EFEMP1: variants seen among roughly 807,000 people sequenced by gnomAD.
EFEMP1 encodes EGF-containing fibulin-like extracellular matrix protein 1.
Under a neutral mutation model 65.7 loss-of-function variants are expected in EFEMP1, and 18 were observed. The ratio of observed to expected loss-of-function variants is 0.27; its 90% CI spans 0.19 to 0.41. The LOEUF (loss-of-function observed/expected upper bound fraction) is 0.41. EFEMP1 is among the 10% of genes least tolerant of loss of function. The probability of loss-of-function intolerance (pLI) is 1.00; values close to 1 mark genes in which losing one functional copy is unlikely to be tolerated. For missense variants in EFEMP1, 469 were observed against 624.8 expected (o/e 0.75, Z 2.66); for synonymous variants, 237 against 219.7 (o/e 1.08, Z -0.70).
intron 5 of EFEMP1, among the ~76,000 whole-genome samples, chr2:55,902,325 C>T (rs1670068138): frequency 8.2e-6 from 1 of 121,910 alleles, no homozygotes; most frequent in South Asian, 2.3e-4. Context: ...GTGAAATGAA[C>T]TAATTCAGAC....
At chr2:55,908,593 C>T (rs773136229) in intron 5 of EFEMP1, among the ~76,000 whole-genome samples, 7 of 151,906 alleles carry the variant, frequency 4.6e-5, no homozygotes, top group Non-Finnish European at 8.8e-5. Flanking sequence ...TAAATATTCA[C>T]ACTGCAAAAA....
At chr2:55,914,914 A>G (rs1670619369) in intron 5 of EFEMP1, among the ~76,000 whole-genome samples, 1 of 152,188 alleles carries the variant, frequency 6.6e-6, no homozygotes, top group African/African-American at 2.4e-5. Context: ...TGGTTATAAA[A>G]TATTATTTTG....
In EFEMP1 at chr2:55,886,239, G is replaced by C. The variant is rs1462224183; in HGVS notation, c.518-4505C>G. 6.6e-6 allele frequency among the ~76,000 whole-genome samples: 1 copy of C among 152,136 alleles called. No homozygotes were observed. The highest frequency in any genetic ancestry group is 1.5e-5 in the Non-Finnish European group (1 of 68,022). On this transcript the variant is annotated intron_variant, in intron 5 of 11. Coordinates refer to ENST00000355426, the MANE Select transcript of EFEMP1 (RefSeq NM_001039348.3). This position sits in a 1 kb window ranked among gnomAD's most constrained non-coding sequence, Gnocchi z 4.0. ...TCTTTGTTTCTCCATCTCTGAAATA[G>C]AGAGTCTATCCTCAACAATAACACA...
chr2:55,881,207 G>T (rs1033733651), intron 6 of EFEMP1, among the ~76,000 whole-genome samples: 1 of 152,208 alleles, frequency 6.6e-6, no homozygotes, highest in Non-Finnish European at 1.5e-5. Context: ...GCGAGCTGGG[G>T]TTGGTGCTTG....
Position 55,877,653 on chromosome 2 carries a change from T to G in EFEMP1, c.760+93A>C. 6.4e-7 allele frequency: 1 copy of G among 1,573,114 alleles called. No homozygotes were observed. Among genetic ancestry groups the G allele is most frequent in the Non-Finnish European group, 8.7e-7 (1 of 1,146,678 alleles). On this transcript the variant is annotated intron_variant, in intron 7 of 11. Transcript: ENST00000355426. The surrounding 1 kb of genome is among the most constrained non-coding windows in gnomAD (Gnocchi z 4.5). ...CTGAAGGGAAGTCGATGGAAACTAT[T>G]TACTCAAGAACATAGAAAACTGGAA...
rs1668760130 is a variant in EFEMP1 at position 55,870,465 on chromosome 2, G to A, written c.1320+255C>T. 6.6e-6 allele frequency among the ~76,000 whole-genome samples: 1 copy of A among 152,060 alleles called. No homozygotes were observed. The highest frequency in any genetic ancestry group is 6.6e-5 in the Admixed American group (1 of 15,252). Reference sequence around the variant, plus strand: ...TTAATATTTGAGTGATTTCAGGGATGCTACTTAATCTTTCTGCATCTCACT... The same window carrying A: ...TTAATATTTGAGTGATTTCAGGGATACTACTTAATCTTTCTGCATCTCACT... On this transcript the variant is annotated intron_variant, in intron 11 of 11. Transcript: ENST00000355426. This position sits in a 1 kb window ranked among gnomAD's most constrained non-coding sequence, Gnocchi z 5.8.
At chr2:55,890,886 G>C (rs908956571) in intron 5 of EFEMP1, among the ~76,000 whole-genome samples, 1 of 151,986 alleles carries the variant, frequency 6.6e-6, no homozygotes, top group African/African-American at 2.4e-5. Context: ...ACATAGATGA[G>C]ATCTATATCT....
intron 5 of EFEMP1, among the ~76,000 whole-genome samples, chr2:55,882,000 A>G (rs1669260248): frequency 6.6e-6 from 1 of 152,116 alleles, no homozygotes; most frequent in Admixed American, 6.5e-5. Context: ...AACATTTCAG[A>G]TACAGCTAAA....
chr2:55,894,556 A>T (rs1266715043), intron 5 of EFEMP1, among the ~76,000 whole-genome samples: 1 of 152,240 alleles, frequency 6.6e-6, no homozygotes, highest in Non-Finnish European at 1.5e-5. Flanking sequence ...ACTTGTATTT[A>T]ATGAAACATT....
chr2:55,897,416 G>A (rs753087937), intron 5 of EFEMP1, among the ~76,000 whole-genome samples: 22 of 152,082 alleles, frequency 1.4e-4, no homozygotes, highest in Non-Finnish European at 2.1e-4. Context: ...TCCAGATAAT[G>A]AACACATCAT....
chr2:55,918,978 G>C (rs932816449), intron 3 of EFEMP1, among the ~76,000 whole-genome samples: 5 of 152,208 alleles, frequency 3.3e-5, no homozygotes, highest in Admixed American at 1.3e-4. Context: ...CAAGATGGCA[G>C]GTGCCTTCTA....
At chr2:55,890,330 A>G (rs1669585894) in intron 5 of EFEMP1, among the ~76,000 whole-genome samples, 1 of 152,030 alleles carries the variant, frequency 6.6e-6, no homozygotes, top group Non-Finnish European at 1.5e-5. Context: ...ATAGACAAAT[A>G]AAAAAATGAA....
intron 8 of EFEMP1, among the ~76,000 whole-genome samples, chr2:55,875,981 C>G (rs140975838): frequency 1.3e-5 from 2 of 151,754 alleles, no homozygotes; most frequent in Admixed American, 6.6e-5. Context: ...TCAGGGACAT[C>G]AAGTGTCTGT....
intron 5 of EFEMP1, among the ~76,000 whole-genome samples, chr2:55,907,579 G>A (rs1376647906): frequency 6.6e-6 from 1 of 152,170 alleles, no homozygotes; most frequent in Non-Finnish European, 1.5e-5. Context: ...TAGTAAAAAT[G>A]TTAATTTAAT....
At position 55,870,308 on chromosome 2, in the gene EFEMP1, C is replaced by T. The variant is rs1427959973; in HGVS notation, c.1320+412G>A. ...TTTTGGGTTTGAATTATATGTATGT[C>T]TATGTATAATTAATTAACCATCAAT... On this transcript the variant is annotated intron_variant, in intron 11 of 11. Transcript: ENST00000355426. This position sits in a 1 kb window ranked among gnomAD's most constrained non-coding sequence, Gnocchi z 5.8. Among the ~76,000 whole-genome samples the T allele has an allele frequency of 7.4e-6, 1 of 135,052 alleles. No homozygotes were observed. Among genetic ancestry groups the T allele is most frequent in the Non-Finnish European group, 1.5e-5 (1 of 66,168 alleles). 88.6% of individuals were successfully genotyped at this position (135,052 alleles called of 152,430 possible).
chr2:55,869,068 A>G (rs1218410466), intron 11 of EFEMP1, among the ~76,000 whole-genome samples: 1 of 152,148 alleles, frequency 6.6e-6, no homozygotes, highest in Non-Finnish European at 1.5e-5. Context: ...TCTATCAGTC[A>G]TGAGAATAAG....
chr2:55,922,078 T>C lies in EFEMP1; in HGVS notation c.81+282A>G, dbSNP rs1285526678. 1 of 402,252 alleles carries C rather than the reference T, an allele frequency of 2.5e-6. No homozygotes were observed. Among genetic ancestry groups the C allele is most frequent in the African/African-American group, 2.1e-5 (1 of 48,574 alleles). The allele number at this position is 402,252 out of a possible 1,614,324, so 24.9% of individuals were successfully genotyped here. A position where few individuals can be genotyped will look rare whatever the true frequency, so the allele number is the denominator to read the frequency against. On this transcript the variant is annotated intron_variant, in intron 3 of 11. Coordinates refer to ENST00000355426, the MANE Select transcript of EFEMP1 (RefSeq NM_001039348.3). This position sits in a 1 kb window ranked among gnomAD's most constrained non-coding sequence, Gnocchi z 5.5. ...TAATTTGTTGAATGTTTTGGAAACA[T>C]GTAACTTTCTTTGGTTTTAGTTTTT...
intron 5 of EFEMP1, among the ~76,000 whole-genome samples, chr2:55,905,469 CAG>C (rs2104432927): frequency 6.6e-6 from 1 of 152,152 alleles, no homozygotes; most frequent in Non-Finnish European, 1.5e-5. Flanking sequence ...GTGTGTGTGA[CAG>C]AGTTTCGCTC....
In EFEMP1 at chr2:55,922,957, T is replaced by C. The variant is rs1304956931; in HGVS notation, c.-48-18A>G. ...AAAAATACCTGTGAGCCAATATGAA[T>C]TGCCTTGGCCTCAAGCTTTTTATTT... On this transcript the variant is annotated intron_variant, in intron 1 of 11. Coordinates refer to ENST00000355426, the MANE Select transcript of EFEMP1 (RefSeq NM_001039348.3). This position sits in a 1 kb window ranked among gnomAD's most constrained non-coding sequence, Gnocchi z 5.5. 2 of 1,013,476 alleles carry C rather than the reference T, an allele frequency of 2.0e-6. No individual in the cohort carries two copies. The highest frequency in any genetic ancestry group is 4.0e-5 in the South Asian group (1 of 24,724). 62.8% of individuals were successfully genotyped at this position (1,013,476 alleles called of 1,614,324 possible).
Sources: allele counts gnomAD v4.1 joint callset (sites outside exome capture counted in the v4.1 genomes callset), GRCh38; gene constraint gnomAD v4.1.1; non-coding constraint Gnocchi (gnomAD v3.1); transcripts MANE v1.5; gene names NCBI Gene and HGNC (gene_info 2026-07-23, HGNC 2026-07-21).